The following SLC8A1 variants were observed in gnomAD, a reference collection of about 807,000 sequenced individuals.
SLC8A1 encodes sodium/calcium exchanger 1.
In SLC8A1, 18 loss-of-function variants were observed where a neutral mutation model predicts 68.3. That is an observed-to-expected ratio of 0.26 (90% CI 0.18 to 0.39). The LOEUF is 0.39. SLC8A1 is among the 10% of genes least tolerant of loss of function. The pLI, the probability that SLC8A1 is intolerant of heterozygous loss-of-function variation, is 1.00. For synonymous variants in SLC8A1, 475 were observed against 415.5 expected (o/e 1.14, Z -1.74); for missense variants, 985 against 1,156.7 (o/e 0.85, Z 2.15).
chr2:40,116,036 G>A (rs1049716962), intron 7 of SLC8A1, among the ~76,000 whole-genome samples: 143 of 152,324 alleles, frequency 9.4e-4, no homozygotes, highest in African/African-American at 3.2e-3. Context: ...AGCGGCCCAG[G>A]AATCTATTTT....
intron 2 of SLC8A1, among the ~76,000 whole-genome samples, chr2:40,305,096 T>C (rs1411864366): frequency 6.6e-6 from 1 of 152,236 alleles, no homozygotes; most frequent in Non-Finnish European, 1.5e-5. Flanking sequence ...TGCTGGTCCA[T>C]GGATTGCATT....
At chr2:40,241,223 T>G (rs768804732) in intron 2 of SLC8A1, among the ~76,000 whole-genome samples, 7 of 152,154 alleles carry the variant, frequency 4.6e-5, no homozygotes, top group Non-Finnish European at 7.3e-5. Context: ...GTGGAGGCCA[T>G]AATCCTCAGC....
chr2:40,241,414 C>A (rs1162801212), intron 2 of SLC8A1, among the ~76,000 whole-genome samples: 1 of 152,120 alleles, frequency 6.6e-6, no homozygotes, highest in Non-Finnish European at 1.5e-5. Context: ...ATGACGAGAT[C>A]CACACCCCAA....
rs144020486 is a variant in SLC8A1 at position 40,159,390 on chromosome 2, T to C, written c.2161+1375A>G. ...TATGGTTGTTATACAAATGCTCATA[T>C]ACCTGCAGCTAAGAAAACAGAAATG... On this transcript the variant is annotated intron_variant, in intron 6 of 7. Coordinates refer to ENST00000406785, the Ensembl canonical transcript of SLC8A1. Among the ~76,000 whole-genome samples, 172 of 152,320 alleles carry C rather than the reference T, an allele frequency of 1.1e-3. 1 individual carries two copies. Among genetic ancestry groups the C allele is most frequent in the African/African-American group, 4.0e-3 (166 of 41,590 alleles).
rs531063639 is a variant in SLC8A1 at position 40,499,881 on chromosome 2, G to A, written c.-25+12468C>T. On this transcript the variant is annotated intron_variant, in intron 1 of 7. Coordinates refer to the SLC8A1 transcript ENST00000402441. Reference sequence around the variant, plus strand: ...GAGGATAAGGGCAGTGAAGCAATAAGCCTTTATTTAAAATATTCTCGGGTA... The same window carrying A: ...GAGGATAAGGGCAGTGAAGCAATAAACCTTTATTTAAAATATTCTCGGGTA... Among the ~76,000 whole-genome samples, 5 of 152,158 alleles carry A rather than the reference G, an allele frequency of 3.3e-5. No homozygotes were observed. In the South Asian group the frequency reaches 1.0e-3, roughly 32 times the overall value.
chr2:40,215,593 T>C (rs1053045218), intron 2 of SLC8A1, among the ~76,000 whole-genome samples: 2 of 138,660 alleles, frequency 1.4e-5, no homozygotes, highest in Non-Finnish European at 3.0e-5. Context: ...GCCGAGATTG[T>C]GCCACTGCAG....
At chr2:40,471,011 C>A (rs1328832366) in intron 1 of SLC8A1, among the ~76,000 whole-genome samples, 1 of 152,070 alleles carries the variant, frequency 6.6e-6, no homozygotes, top group Non-Finnish European at 1.5e-5. Flanking sequence ...GCTCTACAAC[C>A]CAGCTTTTAA....
intron 2 of SLC8A1, among the ~76,000 whole-genome samples, chr2:40,345,977 A>G (rs766423216): frequency 4.0e-5 from 6 of 150,224 alleles, no homozygotes; most frequent in Non-Finnish European, 8.9e-5. Context: ...AAACCTGCAC[A>G]TACTGCACGT....
intron 2 of SLC8A1, among the ~76,000 whole-genome samples, chr2:40,200,173 G>GAGATATATATATATATATATAT (rs1553407546): frequency 2.1e-4 from 1 of 4,754 alleles, no homozygotes. Flanking sequence ...TCAAGTCATT[G>GAGATATATATATATATATATAT]ATATATATAT....
chr2:40,436,508 C>T (rs191216429), intron 1 of SLC8A1, among the ~76,000 whole-genome samples: 77 of 152,210 alleles, frequency 5.1e-4, no homozygotes, highest in African/African-American at 1.7e-3. Context: ...AACGAGAGCA[C>T]CTGGGCCCTG....
rs114415059 is a variant in SLC8A1 at position 40,122,210 on chromosome 2, A to G, written c.2438-6581T>C. ...CTCACAAGTGCATGCGCGCGCGCAC[A>G]CACACACACACACACGTGTGCGCGC... On this transcript the variant is annotated intron_variant, in intron 7 of 7. Coordinates refer to ENST00000406785, the Ensembl canonical transcript of SLC8A1. Among the ~76,000 whole-genome samples, 1,133 of 142,682 alleles carry G rather than the reference A, an allele frequency of 7.9e-3. 6 individuals carry two copies. The highest frequency in any genetic ancestry group is 0.015 in the African/African-American group (570 of 37,018). 93.6% of individuals were successfully genotyped at this position (142,682 alleles called of 152,430 possible). A position where few individuals can be genotyped will look rare whatever the true frequency, so the allele number is the denominator to read the frequency against.
At chr2:40,343,074 T>G (rs1374398119) in intron 2 of SLC8A1, among the ~76,000 whole-genome samples, 2 of 152,040 alleles carry the variant, frequency 1.3e-5, no homozygotes, top group Non-Finnish European at 2.9e-5. Context: ...AAATTATTTT[T>G]TTCTTTCTCG....
At chr2:40,438,765 C>A (rs1447757016) in intron 1 of SLC8A1, among the ~76,000 whole-genome samples, 1 of 152,014 alleles carries the variant, frequency 6.6e-6, no homozygotes, top group Non-Finnish European at 1.5e-5. Flanking sequence ...GTTAACAGGG[C>A]CCTATAATCA....
intron 1 of SLC8A1, among the ~76,000 whole-genome samples, chr2:40,493,107 A>G (rs1270866971): frequency 6.6e-6 from 1 of 152,192 alleles, no homozygotes; most frequent in Non-Finnish European, 1.5e-5. Context: ...AATGTCCAAC[A>G]ATAATAGACT....
Position 40,509,820 on chromosome 2 carries a change from G to GTT in SLC8A1, c.-25+2527_-25+2528dup, listed in dbSNP as rs34887820. ...CAAGATCATTAACAGCCTTTTTTTT[G>GTT]TTTTTTTTCCGGTGCAGTCTCACTC... On this transcript the variant is annotated intron_variant, in intron 1 of 7. Transcript: ENST00000402441. 6.7e-3 allele frequency among the ~76,000 whole-genome samples: 1,015 copies of GTT among 150,886 alleles called. 22 individuals are homozygous for GTT. Among genetic ancestry groups the GTT allele is most frequent in the Admixed American group, 0.043 (657 of 15,126 alleles).
intron 2 of SLC8A1, among the ~76,000 whole-genome samples, chr2:40,263,260 G>C (rs2064939211): frequency 6.6e-6 from 1 of 152,192 alleles, no homozygotes; most frequent in South Asian, 2.1e-4. Flanking sequence ...TAGAGTTGTT[G>C]TGAATACAAA....
chr2:40,343,262 T>C (rs1668267858), intron 2 of SLC8A1, among the ~76,000 whole-genome samples: 1 of 152,116 alleles, frequency 6.6e-6, no homozygotes, highest in Admixed American at 6.6e-5. Flanking sequence ...TATTTGGCCA[T>C]AGGATAACTC....
At chr2:40,126,590 T>G (rs1000221736) in intron 7 of SLC8A1, among the ~76,000 whole-genome samples, 1 of 152,090 alleles carries the variant, frequency 6.6e-6, no homozygotes, top group Non-Finnish European at 1.5e-5. Flanking sequence ...TTTCAGTTTC[T>G]GGGACTAGAC....
intron 2 of SLC8A1, among the ~76,000 whole-genome samples, chr2:40,344,418 A>G (rs1211968180): frequency 1.3e-5 from 2 of 152,138 alleles, no homozygotes; most frequent in East Asian, 3.9e-4. Flanking sequence ...CAACCCACTC[A>G]CTGTCCGTAT....
Sources: gnomAD v4.1 joint callset for allele counts (sites outside exome capture counted in the v4.1 genomes callset) on GRCh38, gnomAD v4.1.1 for gene constraint, MANE v1.5 for transcripts, NCBI Gene and HGNC (gene_info 2026-07-23, HGNC 2026-07-21) for gene names.